SIPA1L2: variants seen among roughly 807,000 people sequenced by gnomAD.
The protein encoded by SIPA1L2 is signal-induced proliferation-associated 1-like protein 2.
SIPA1L2 carries 56 observed loss-of-function variants against 163.9 expected under a neutral mutation model. The ratio of observed to expected loss-of-function variants is 0.34; its 90% CI spans 0.28 to 0.43. SIPA1L2 has a LOEUF of 0.43. Among genes scored for constraint, SIPA1L2 ranks in the 20% least tolerant of loss-of-function variants. The pLI is 1.00. For missense variants in SIPA1L2, 1,974 were observed against 2,193.5 expected, an observed-to-expected ratio of 0.90 and a Z score of 2.00; for synonymous variants, 877 against 865.7, an observed-to-expected ratio of 1.01 and a Z score of -0.23.
intron 16 of SIPA1L2, 141 bp from the exon 17 acceptor site, chr1:232,428,705 C>T (rs1254596389): frequency 6.0e-6 from 3 of 501,230 alleles, no homozygotes; most frequent in Admixed American, 4.1e-5. Context: ...ACTTTTGCTG[C>T]GTTTGCTCCA....
Position 232,597,958 on chromosome 1 carries a change from C to T in SIPA1L2, c.-318-23736G>A, listed in dbSNP as rs146659666. ...TTCTCCACATTTTCTTAAAGGAAGG[C>T]ACACCTGCATGTGAGCCAAGACTGA... On this transcript the variant is annotated intron_variant, in intron 1 of 22. Coordinates refer to ENST00000674635, the MANE Select transcript of SIPA1L2 (RefSeq NM_020808.5). Among the ~76,000 whole-genome samples, 365 of 152,286 alleles carry T rather than the reference C, an allele frequency of 2.4e-3. 3 individuals are homozygous for T. Among genetic ancestry groups the T allele is most frequent in the African/African-American group, 7.2e-3 (301 of 41,566 alleles).
In SIPA1L2 at chr1:232,506,939, G is replaced by A. The variant is rs138339565; in HGVS notation, c.1483+6918C>T. On this transcript the variant is annotated intron_variant, in intron 3 of 22. Transcript: ENST00000674635. ...ATTCTTTTAGATTTCTAGAAAAGCT[G>A]TAAATAGCAGAGTTCCCTTATACCC... 1.1e-4 allele frequency among the ~76,000 whole-genome samples: 16 copies of A among 152,282 alleles called. No homozygotes were observed. In the East Asian group the frequency reaches 3.1e-3, roughly 29 times the overall value.
intron 6 of SIPA1L2, among the ~76,000 whole-genome samples, chr1:232,481,028 ATACT>A (rs1401542237): frequency 6.6e-6 from 1 of 152,216 alleles, no homozygotes; most frequent in Non-Finnish European, 1.5e-5. Context: ...AATAAGGCGA[ATACT>A]TAGTGTTTAC....
chr1:232,620,337 G>C (rs990093939), intron 1 of SIPA1L2, among the ~76,000 whole-genome samples: 5 of 152,152 alleles, frequency 3.3e-5, no homozygotes, highest in Non-Finnish European at 4.4e-5. Context: ...TAGGTGTCTC[G>C]ATGTACACTT....
chr1:232,490,658 C>CA (rs3841712), intron 5 of SIPA1L2: 105,041 of 460,298 alleles, frequency 0.23, 10,462 homozygotes, highest in Admixed American at 0.35. Context: ...TTGGTAATAA[C>CA]AAAAAAAAAT....
At chr1:232,511,577 G>A (rs933562472) in intron 3 of SIPA1L2, among the ~76,000 whole-genome samples, 1 of 152,150 alleles carries the variant, frequency 6.6e-6, no homozygotes, top group African/African-American at 2.4e-5. Context: ...TATACTCCAT[G>A]AGAAAAAGTA....
intron 2 of SIPA1L2, among the ~76,000 whole-genome samples, chr1:232,528,552 C>T (rs894280928): frequency 3.9e-5 from 6 of 152,198 alleles, no homozygotes; most frequent in Non-Finnish European, 8.8e-5. Context: ...CCTGCTCCTC[C>T]TTCCTGTAAC....
In SIPA1L2 at chr1:232,439,367, T is replaced by C; in HGVS notation, c.3772A>G (p.Ile1258Val). Residue 1258 changes from isoleucine to valine, a missense_variant, in exon 15 of 23, where the codon ATC becomes GTC. Around this residue, in one of 3 missense-constraint regions of SIPA1L2, gnomAD observed 1,079 missense variants for 1,150.7 expected, o/e 0.94. Coordinates refer to ENST00000674635, the MANE Select transcript of SIPA1L2 (RefSeq NM_020808.5). ...MDPELLGLTY[I>V]KGASTDSGID... ...CCACTGTCGGTGGAGGCCCCTTTGA[T>C]GTAGGTCAGCCCCAGTAATTCGGGG... 1 of 1,614,140 alleles carries C rather than the reference T, an allele frequency of 6.2e-7. No homozygotes were observed. Among genetic ancestry groups the C allele is most frequent in the Non-Finnish European group, 8.5e-7 (1 of 1,180,016 alleles).
chr1:232,531,858 T>C (rs1240904329), intron 2 of SIPA1L2, among the ~76,000 whole-genome samples: 2 of 151,390 alleles, frequency 1.3e-5, no homozygotes, highest in South Asian at 2.1e-4. Flanking sequence ...GCCACACAGA[T>C]AGAAAGGAAG....
At chr1:232,451,680 T>G (rs1663588425) in intron 10 of SIPA1L2, among the ~76,000 whole-genome samples, 1 of 152,164 alleles carries the variant, frequency 6.6e-6, no homozygotes, top group African/African-American at 2.4e-5. Context: ...GGATGGAAAC[T>G]GCATTTCTAG....
chr1:232,403,587 A>T lies in SIPA1L2; in HGVS notation c.4817-16T>A, dbSNP rs1345385485. ...ACCCTCTGGTCTGGGGAGGGGAGAA[A>T]CACACACAGAAAGAAGGGTTAGTAA... is the stretch of plus-strand genomic sequence containing the variant. On this transcript the variant is annotated splice_polypyrimidine_tract_variant and intron_variant, in intron 20 of 22. Transcript: ENST00000674635. The T allele has an allele frequency of 6.2e-7, 1 of 1,605,712 alleles. No homozygotes were observed. The highest frequency in any genetic ancestry group is 1.1e-5 in the South Asian group (1 of 89,662).
intron 2 of SIPA1L2, among the ~76,000 whole-genome samples, chr1:232,521,808 C>T (rs1355229823): frequency 6.6e-6 from 1 of 152,152 alleles, no homozygotes; most frequent in Non-Finnish European, 1.5e-5. Context: ...CCCTAGCCTG[C>T]CTTCTCTTTT....
At position 232,515,248 on chromosome 1, in the gene SIPA1L2, T is replaced by C. The variant is rs1280078429; in HGVS notation, c.92A>G (p.Asp31Gly). ...TTTAAATTTCCGAGCAAAATAATCA[T>C]CTGACTGCATGATTCTAGGGGGATC... Reference protein sequence around the residue: ...FKDPPRIMQSDDYFARKFKAI... With the variant: ...FKDPPRIMQSGDYFARKFKAI... The change falls in exon 3 of 23, where the codon GAT becomes GGT. Residue 31 changes from aspartate to glycine, a missense_variant. Coordinates refer to ENST00000674635, the MANE Select transcript of SIPA1L2 (RefSeq NM_020808.5). 3 of 1,614,118 alleles carry C rather than the reference T, an allele frequency of 1.9e-6. No homozygotes were observed. The highest frequency in any genetic ancestry group is 2.2e-5 in the East Asian group (1 of 44,868).
In SIPA1L2 at chr1:232,607,916, G is replaced by C. The variant is rs1487211933; in HGVS notation, c.-319+21953C>G. 3.3e-5 allele frequency among the ~76,000 whole-genome samples: 5 copies of C among 151,540 alleles called. 1 individual carries two copies. The highest frequency in any genetic ancestry group is 3.3e-4 in the Admixed American group (5 of 15,220). On this transcript the variant is annotated intron_variant, in intron 1 of 22. Transcript: ENST00000674635. ...ACTAAAAATACAAAATTAGCTGGGC[G>C]GGGTAGCGCATGCCTGTAATCCCAG...
intron 1 of SIPA1L2, among the ~76,000 whole-genome samples, chr1:232,591,322 C>T (rs781298908): frequency 3.9e-5 from 6 of 152,244 alleles, no homozygotes; most frequent in Non-Finnish European, 5.9e-5. Context: ...CACACAGGTA[C>T]TCGAGTACTG....
At chr1:232,559,970 C>A (rs1276974062) in intron 2 of SIPA1L2, among the ~76,000 whole-genome samples, 1 of 152,204 alleles carries the variant, frequency 6.6e-6, no homozygotes, top group Non-Finnish European at 1.5e-5. Context: ...GCAAATCCGT[C>A]TGGAAACAAA....
chr1:232,617,827 T>C (rs1323781092), intron 1 of SIPA1L2, among the ~76,000 whole-genome samples: 1 of 152,242 alleles, frequency 6.6e-6, no homozygotes, highest in Admixed American at 6.5e-5. Flanking sequence ...ATTTGTGCAT[T>C]TCACTCTATA....
At chr1:232,490,723 T>C (rs1303320825) in intron 5 of SIPA1L2, 151 bp downstream of exon 5, 2 of 783,428 alleles carry the variant, frequency 2.6e-6, no homozygotes, top group African/African-American at 3.5e-5. Context: ...TCCAAACTAG[T>C]ATAAAAACAT....
intron 8 of SIPA1L2, among the ~76,000 whole-genome samples, chr1:232,466,697 A>G (rs1418501268): frequency 6.6e-6 from 1 of 152,198 alleles, no homozygotes; most frequent in Non-Finnish European, 1.5e-5. Context: ...AGGCTGAGGA[A>G]GGAGAATGGT....
Sources: gnomAD v4.1 joint callset for allele counts (sites outside exome capture counted in the v4.1 genomes callset) on GRCh38, gnomAD v4.1.1 for gene constraint, gnomAD v4.1.1 regional missense constraint, MANE v1.5 for transcripts, NCBI Gene and HGNC (gene_info 2026-07-23, HGNC 2026-07-21) for gene names.